The following KIRREL3 variants were observed in gnomAD, a reference collection of about 807,000 sequenced individuals.
KIRREL3 encodes kin of IRRE-like protein 3.
A neutral mutation model predicts 89.7 loss-of-function variants in KIRREL3; 36 were observed. The ratio of observed to expected loss-of-function variants is 0.40; its 90% CI spans 0.31 to 0.53. The LOEUF is 0.53. Among genes scored for constraint, KIRREL3 ranks in the 20% least tolerant of loss-of-function variants. The pLI is 0.49. For missense variants in KIRREL3, 864 were observed against 1,056.6 expected (o/e 0.82, Z 2.53); for synonymous variants, 445 against 441.4 (o/e 1.01, Z -0.10).
At chr11:126,961,069 C>A (rs7107346) in intron 1 of KIRREL3, among the ~76,000 whole-genome samples, 139,419 of 152,226 alleles carry the variant, frequency 0.92, 64,019 homozygotes, top group African/African-American at 0.98. Context: ...TGACTGCTCC[C>A]TCAACCAGCC....
intron 2 of KIRREL3, among the ~76,000 whole-genome samples, chr11:126,548,361 C>T (rs567860992): frequency 3.9e-5 from 6 of 152,278 alleles, no homozygotes; most frequent in South Asian, 2.1e-4. Context: ...TCTTTAGTTG[C>T]GGAGGCCACT....
At chr11:126,554,023 G>GT (rs1218270630) in intron 2 of KIRREL3, among the ~76,000 whole-genome samples, 13 of 152,268 alleles carry the variant, frequency 8.5e-5, no homozygotes, top group Admixed American at 3.9e-4. Flanking sequence ...CACTGTCCAC[G>GT]TGTTGATCGA....
intron 1 of KIRREL3, chr11:126,935,053 T>TG (rs1555096799): frequency 1.5e-5 from 2 of 135,266 alleles, no homozygotes; most frequent in Non-Finnish European, 3.1e-5. Flanking sequence ...GACTCCGTCT[T>TG]AAAAAAAAAA....
At chr11:126,937,415 T>C (rs950819875) in intron 1 of KIRREL3, among the ~76,000 whole-genome samples, 1 of 152,234 alleles carries the variant, frequency 6.6e-6, no homozygotes, top group Admixed American at 6.5e-5. Context: ...ATAGCAGCTC[T>C]ATCAGCAGAT....
chr11:126,637,946 G>T (rs940613689), intron 1 of KIRREL3, among the ~76,000 whole-genome samples: 1 of 152,236 alleles, frequency 6.6e-6, no homozygotes, highest in Non-Finnish European at 1.5e-5. Flanking sequence ...GCATGAGTCA[G>T]TGAGCAGCAG....
chr11:126,840,650 T>A (rs1413581280), intron 1 of KIRREL3, among the ~76,000 whole-genome samples: 1 of 152,192 alleles, frequency 6.6e-6, no homozygotes, highest in Non-Finnish European at 1.5e-5. Flanking sequence ...CCATTCTGGG[T>A]AGCGTGATAA....
rs1358372869 is a variant in KIRREL3 at position 126,522,286 on chromosome 11, C to T, written c.284-822G>A. Among the ~76,000 whole-genome samples the T allele has an allele frequency of 1.3e-5, 2 of 151,930 alleles. No homozygotes were observed. The highest frequency in any genetic ancestry group is 3.9e-4 in the East Asian group (2 of 5,178). On this transcript the variant is annotated intron_variant, in intron 3 of 16. Transcript: ENST00000525144. The surrounding 1 kb of genome is among the most constrained non-coding windows in gnomAD (Gnocchi z 6.0). Reference sequence around the variant, plus strand: ...CTGAGAATTACAGAGAGAAGACAGTCAGAGAGAGAAGGAAGGAAAAAGAGA... The same window carrying T: ...CTGAGAATTACAGAGAGAAGACAGTTAGAGAGAGAAGGAAGGAAAAAGAGA...
intron 1 of KIRREL3, among the ~76,000 whole-genome samples, chr11:126,616,089 G>A (rs1943334907): frequency 6.6e-6 from 1 of 152,224 alleles, no homozygotes; most frequent in Admixed American, 6.5e-5. Flanking sequence ...GTGGCAGAGG[G>A]TGGAAGCAGC....
At position 126,872,391 on chromosome 11, in the gene KIRREL3, C is replaced by T. The variant is rs907900292; in HGVS notation, c.55+128064G>A. Among the ~76,000 whole-genome samples, 6 of 152,230 alleles carry T rather than the reference C, an allele frequency of 3.9e-5. No homozygotes were observed. The highest frequency in any genetic ancestry group is 6.5e-5 in the Admixed American group (1 of 15,284). On this transcript the variant is annotated intron_variant, in intron 1 of 16. Coordinates refer to ENST00000525144, the MANE Select transcript of KIRREL3 (RefSeq NM_032531.4). This position sits in a 1 kb window ranked among gnomAD's most constrained non-coding sequence, Gnocchi z 4.2. ...CATATGCTGCTATTCTGGGCATGGGCACGGGGCTTATGGGGTAGCCCTGCT... is the reference window on the plus strand; with the variant it reads ...CATATGCTGCTATTCTGGGCATGGGTACGGGGCTTATGGGGTAGCCCTGCT...
rs1012265310 is a variant in KIRREL3 at position 126,724,501 on chromosome 11, G to C, written c.56-161589C>G. The stretch of plus-strand genomic sequence containing the variant: ...CTATCAGCCCTCTCCAAACATCCAG[G>C]CAGGATCTGGGAGGGACTGCCCTTG... On this transcript the variant is annotated intron_variant, in intron 1 of 16. Coordinates refer to ENST00000525144, the MANE Select transcript of KIRREL3 (RefSeq NM_032531.4). This position sits in a 1 kb window ranked among gnomAD's most constrained non-coding sequence, Gnocchi z 4.3. Among the ~76,000 whole-genome samples, 1 of 152,174 alleles carries C rather than the reference G, an allele frequency of 6.6e-6. No individual in the cohort carries two copies. The highest frequency in any genetic ancestry group is 1.5e-5 in the Non-Finnish European group (1 of 68,030).
rs1947417125 is a variant in KIRREL3 at position 126,703,963 on chromosome 11, GTC to G, written c.56-141053_56-141052del. On this transcript the variant is annotated intron_variant, in intron 1 of 16. Coordinates refer to ENST00000525144, the MANE Select transcript of KIRREL3 (RefSeq NM_032531.4). This position sits in a 1 kb window ranked among gnomAD's most constrained non-coding sequence, Gnocchi z 4.6. ...GAAAGGAAGAAGAAATGGAATTTCT[GTC>G]AGATTGCTTGAACTCACTCTCTGGA... 6.6e-6 allele frequency among the ~76,000 whole-genome samples: 1 copy of G among 151,948 alleles called. No homozygotes were observed. Among genetic ancestry groups the G allele is most frequent in the Non-Finnish European group, 1.5e-5 (1 of 68,012 alleles).
intron 1 of KIRREL3, among the ~76,000 whole-genome samples, chr11:126,731,897 G>A (rs1592040698): frequency 1.3e-5 from 2 of 152,258 alleles, no homozygotes; most frequent in Non-Finnish European, 1.5e-5. Context: ...AAAGAAAGAC[G>A]CTGGAAATAG....
chr11:126,728,760 G>A (rs938125553), intron 1 of KIRREL3, among the ~76,000 whole-genome samples: 7 of 152,152 alleles, frequency 4.6e-5, no homozygotes, highest in Non-Finnish European at 7.4e-5. Flanking sequence ...AAGTAACTTC[G>A]TCCCCTGGGA....
chr11:126,829,579 G>T (rs562087088), intron 1 of KIRREL3, among the ~76,000 whole-genome samples: 7 of 152,142 alleles, frequency 4.6e-5, no homozygotes, highest in African/African-American at 1.7e-4. Flanking sequence ...TCTTACAGAT[G>T]GACCCTTTGC....
intron 1 of KIRREL3, among the ~76,000 whole-genome samples, chr11:126,922,068 T>A (rs1278306678): frequency 6.6e-6 from 1 of 151,792 alleles, no homozygotes; most frequent in African/African-American, 2.4e-5. Flanking sequence ...CCATCCATCT[T>A]CCTGTCTTCC....
At chr11:126,929,101 G>A (rs1355415870) in intron 1 of KIRREL3, among the ~76,000 whole-genome samples, 1 of 152,200 alleles carries the variant, frequency 6.6e-6, no homozygotes, top group South Asian at 2.1e-4. Context: ...TTTACAGAGT[G>A]GAGAGGACAC....
At position 126,682,810 on chromosome 11, in the gene KIRREL3, G is replaced by A. The variant is rs1436057218; in HGVS notation, c.56-119898C>T. 6.6e-6 allele frequency among the ~76,000 whole-genome samples: 1 copy of A among 152,134 alleles called. No homozygotes were observed. Among genetic ancestry groups the A allele is most frequent in the Non-Finnish European group, 1.5e-5 (1 of 68,022 alleles). On this transcript the variant is annotated intron_variant, in intron 1 of 16. Coordinates refer to ENST00000525144, the MANE Select transcript of KIRREL3 (RefSeq NM_032531.4). The surrounding 1 kb of genome is among the most constrained non-coding windows in gnomAD (Gnocchi z 4.8). Reference sequence around the variant, plus strand: ...GGGCGGCAATGTTCACTCACCTGCCGCTCACCTCCTGCTGTGTAGTCTGGT... The same window carrying A: ...GGGCGGCAATGTTCACTCACCTGCCACTCACCTCCTGCTGTGTAGTCTGGT...
rs1565514937 is a variant in KIRREL3 at position 126,515,134 on chromosome 11, T to C, written c.433+6181A>G. On this transcript the variant is annotated intron_variant, in intron 4 of 16. Transcript: ENST00000525144. This position sits in a 1 kb window ranked among gnomAD's most constrained non-coding sequence, Gnocchi z 4.2. ...TGTCGAGACCTGTAATCAAGGTGCA[T>C]AAGGAGGCTGGGCGCGATGGCTCAC... 6.6e-6 allele frequency among the ~76,000 whole-genome samples: 1 copy of C among 151,934 alleles called. No individual in the cohort carries two copies. The highest frequency in any genetic ancestry group is 1.5e-5 in the Non-Finnish European group (1 of 67,980).
chr11:126,968,526 A>G (rs1272843129), intron 1 of KIRREL3, among the ~76,000 whole-genome samples: 2 of 152,184 alleles, frequency 1.3e-5, no homozygotes, highest in African/African-American at 2.4e-5. Flanking sequence ...CATTGCTGCC[A>G]TCAAAGGCTC....
Sources: allele counts gnomAD v4.1 joint callset (sites outside exome capture counted in the v4.1 genomes callset), GRCh38; gene constraint gnomAD v4.1.1; non-coding constraint Gnocchi (gnomAD v3.1); transcripts MANE v1.5; gene names NCBI Gene and HGNC (gene_info 2026-07-23, HGNC 2026-07-21).